The following RGS7 variants were observed in gnomAD, a reference collection of about 807,000 sequenced individuals.
RGS7 encodes regulator of G protein signaling 7, also known as regulator of G-protein signaling 7.
Under a neutral mutation model 81.1 loss-of-function variants are expected in RGS7, and 27 were observed. The ratio of observed to expected loss-of-function variants is 0.33; its 90% CI spans 0.25 to 0.46. RGS7 has a LOEUF of 0.46. RGS7 is among the 20% of genes least tolerant of loss of function. The pLI, the probability that RGS7 is intolerant of heterozygous loss-of-function variation, is 1.00. For synonymous variants in RGS7, 208 were observed against 207.7 expected (o/e 1.00, Z -0.01); for missense variants, 396 against 607.4 (o/e 0.65, Z 3.66).
chr1:240,867,663 T>A (rs1297976498), intron 9 of RGS7, among the ~76,000 whole-genome samples: 1 of 152,136 alleles, frequency 6.6e-6, no homozygotes, highest in East Asian at 1.9e-4. Flanking sequence ...GAAATGAAAG[T>A]CTGTGAAAGT....
At chr1:240,982,683 G>T (rs1224505682) in intron 4 of RGS7, among the ~76,000 whole-genome samples, 4 of 152,024 alleles carry the variant, frequency 2.6e-5, no homozygotes, top group Non-Finnish European at 5.9e-5. Flanking sequence ...ATTTCAAACT[G>T]TATTTAAAGA....
chr1:240,875,290 G>T (rs1289815811), intron 6 of RGS7, among the ~76,000 whole-genome samples: 1 of 152,106 alleles, frequency 6.6e-6, no homozygotes, highest in Admixed American at 6.6e-5. Flanking sequence ...CAGTATTTGT[G>T]TTTCAGTGCC....
chr1:241,082,133 G>A (rs2063170503), intron 3 of RGS7, among the ~76,000 whole-genome samples: 1 of 152,208 alleles, frequency 6.6e-6, no homozygotes, highest in African/African-American at 2.4e-5. Flanking sequence ...CGATACACCT[G>A]AGTTACTTGC....
rs1368485340 is a variant in RGS7, at chr1:241,331,481, A to T, written c.78+24218T>A. On this transcript the variant is annotated intron_variant, in intron 2 of 18. Coordinates refer to ENST00000440928, the MANE Select transcript of RGS7 (RefSeq NM_001364886.1). ...TATATGTAAAGTGCTTAGCATAGTG[A>T]CTCACATATGATAAAGGTACAATAT... Among the ~76,000 whole-genome samples the T allele has an allele frequency of 4.6e-5, 7 of 152,270 alleles. No homozygotes were observed. In the East Asian group the frequency reaches 1.2e-3, roughly 25 times the overall value.
In RGS7 at chr1:240,998,231, G is replaced by A. The variant is rs536655411; in HGVS notation, c.176-15102C>T. On this transcript the variant is annotated intron_variant, in intron 3 of 18. Transcript: ENST00000440928. The stretch of plus-strand genomic sequence containing the variant: ...GTCATTTTTCCCTGACTGCTTTCAA[G>A]ATGTTTGTTTTGTGGTTGTCTGCAG... Among the ~76,000 whole-genome samples the A allele has an allele frequency of 3.3e-5, 5 of 152,252 alleles. No homozygotes were observed. The South Asian group carries it at 1.0e-3, about 32-fold the overall frequency.
At chr1:241,256,502 C>G (rs2077056690) in intron 2 of RGS7, among the ~76,000 whole-genome samples, 1 of 152,176 alleles carries the variant, frequency 6.6e-6, no homozygotes, top group South Asian at 2.1e-4. Context: ...CTTCAAGCAA[C>G]TGTCATACTC....
chr1:240,981,703 TA>T (rs1684945690), intron 4 of RGS7, among the ~76,000 whole-genome samples: 1 of 152,230 alleles, frequency 6.6e-6, no homozygotes, highest in African/African-American at 2.4e-5. Context: ...ATTGTTTTAA[TA>T]CCACTTAATC....
rs773208905 is a variant in RGS7 at position 240,816,346 on chromosome 1, G to T, written c.754C>A (p.Pro252Thr). 3 of 1,611,986 alleles carry T rather than the reference G, an allele frequency of 1.9e-6. No individual in the cohort carries two copies. Among genetic ancestry groups the T allele is most frequent in the Non-Finnish European group, 2.5e-6 (3 of 1,178,202 alleles). ...PTHTPTPETK[P>T]PTEDELQQQI... ...TGTTGTAACTCATCTTCTGTTGGAG[G>T]TTTAGTTTCTGGTGTGGGTGTGTGG... Residue 252 changes from proline (P) to threonine (T), a missense_variant, in exon 11 of 19, where the codon CCT becomes ACT. Pro to Thr is a conservative substitution (Grantham distance 38, BLOSUM62 -1). Coordinates refer to ENST00000440928, the MANE Select transcript of RGS7 (RefSeq NM_001364886.1).
At chr1:241,106,508 G>GT (rs2065108395) in intron 2 of RGS7, among the ~76,000 whole-genome samples, 1 of 152,070 alleles carries the variant, frequency 6.6e-6, no homozygotes, top group African/African-American at 2.4e-5. Flanking sequence ...GAGGTCCGGA[G>GT]TTTGAGACCA....
chr1:241,315,007 T>G (rs1400632800), intron 2 of RGS7, among the ~76,000 whole-genome samples: 1 of 151,692 alleles, frequency 6.6e-6, no homozygotes. Context: ...AACTTATTGA[T>G]GTTGAAGACA....
At position 241,288,406 on chromosome 1, in the gene RGS7, G is replaced by T. The variant is rs552718728; in HGVS notation, c.78+67293C>A. Reference sequence around the variant, plus strand: ...TTCAGGCTCCTTCATCTCCGAGTGGGTATGGAGACCAAGTATGCCTGTTAT... The same window carrying T: ...TTCAGGCTCCTTCATCTCCGAGTGGTTATGGAGACCAAGTATGCCTGTTAT... On this transcript the variant is annotated intron_variant, in intron 2 of 18. Transcript: ENST00000440928. Among the ~76,000 whole-genome samples, 186 of 152,294 alleles carry T rather than the reference G, an allele frequency of 1.2e-3. 1 individual carries two copies. Among genetic ancestry groups the T allele is most frequent in the Admixed American group, 3.5e-3 (54 of 15,304 alleles).
chr1:240,911,498 C>T lies in RGS7; in HGVS notation c.385+19219G>A, dbSNP rs1671741638. 2.6e-5 allele frequency among the ~76,000 whole-genome samples: 4 copies of T among 152,164 alleles called. No homozygotes were observed. The South Asian group carries it at 8.3e-4, about 32-fold the overall frequency. ...CCTCTCTGAATGATCTCATCCACGA[C>T]CATGGCTTTAACTATAACCTGACTC... On this transcript the variant is annotated intron_variant, in intron 6 of 18. Coordinates refer to ENST00000440928, the MANE Select transcript of RGS7 (RefSeq NM_001364886.1).
At chr1:240,869,446 G>A (rs566359816) in intron 7 of RGS7, among the ~76,000 whole-genome samples, 1 of 152,178 alleles carries the variant, frequency 6.6e-6, no homozygotes, top group Non-Finnish European at 1.5e-5. Context: ...CTCAGAGTTT[G>A]GATATCTTCA....
chr1:241,126,925 T>TTTCC (rs1344707241), intron 2 of RGS7, among the ~76,000 whole-genome samples: 1 of 152,112 alleles, frequency 6.6e-6, no homozygotes, highest in African/African-American at 2.4e-5. Context: ...CACTTCTTTC[T>TTTCC]TTCCTTCCTT....
intron 2 of RGS7, among the ~76,000 whole-genome samples, chr1:241,273,175 A>AACCC (rs2078005904): frequency 9.5e-6 from 1 of 105,026 alleles, no homozygotes; most frequent in Admixed American, 1.0e-4. Flanking sequence ...ATAATAATGA[A>AACCC]CCCCCCCCCC....
At chr1:241,147,076 C>A (rs915624188) in intron 2 of RGS7, among the ~76,000 whole-genome samples, 1 of 152,140 alleles carries the variant, frequency 6.6e-6, no homozygotes, top group Non-Finnish European at 1.5e-5. Context: ...ACATTTATTT[C>A]ACACTTGAAG....
At position 240,910,546 on chromosome 1, in the gene RGS7, TAAC is replaced by T. The variant is rs1671577305; in HGVS notation, c.385+20168_385+20170del. Among the ~76,000 whole-genome samples, 3 of 152,240 alleles carry T rather than the reference TAAC, an allele frequency of 2.0e-5. No individual in the cohort carries two copies. In the South Asian group the frequency reaches 6.2e-4, roughly 32 times the overall value. On this transcript the variant is annotated intron_variant, in intron 6 of 18. Transcript: ENST00000440928. ...TGTAGCACTGTAACATGACTATAGTTAACAATAATGCATGGTTTCAAAGAGCTA... is the reference window on the plus strand; with the variant it reads ...TGTAGCACTGTAACATGACTATAGTTAATAATGCATGGTTTCAAAGAGCTA...
chr1:241,260,008 C>A (rs1481170574), intron 2 of RGS7, among the ~76,000 whole-genome samples: 2 of 152,116 alleles, frequency 1.3e-5, no homozygotes, highest in Admixed American at 6.6e-5. Context: ...GAATGAAAGT[C>A]ATTTACCTTC....
chr1:241,086,735 C>G (rs890961300), intron 3 of RGS7, among the ~76,000 whole-genome samples: 4 of 152,216 alleles, frequency 2.6e-5, no homozygotes, highest in African/African-American at 9.6e-5. Context: ...CCTCCAGATT[C>G]TAACTGTTGT....
Sources: allele counts gnomAD v4.1 joint callset (sites outside exome capture counted in the v4.1 genomes callset), GRCh38; gene constraint gnomAD v4.1.1; transcripts MANE v1.5; gene names NCBI Gene and HGNC (gene_info 2026-07-23, HGNC 2026-07-21).